Variants in ITPA observed in about 807,000 individuals in gnomAD.
ITPA encodes the protein inosine triphosphatase.
ITPA carries 29 observed loss-of-function variants against 29.6 expected under a neutral mutation model. That is an observed-to-expected ratio of 0.98 (90% CI 0.73 to 1.34). The LOEUF (loss-of-function observed/expected upper bound fraction) is 1.34. Ranked by LOEUF, ITPA falls within the 40% of genes most tolerant of loss-of-function variation. The pLI is 0.00. For missense variants in ITPA, 241 were observed against 251.5 expected (o/e 0.96, Z 0.28); for synonymous variants, 103 against 99.3 (o/e 1.04, Z -0.22).
rs767364445 is a variant in ITPA at position 3,209,664 on chromosome 20, G to A, written c.66+47G>A. 2.6e-6 allele frequency: 4 copies of A among 1,520,460 alleles called. No individual in the cohort carries two copies. The African/African-American group carries it at 5.5e-5, about 21-fold the overall frequency. The allele number at this position is 1,520,460 out of a possible 1,614,324, so 94.2% of individuals were successfully genotyped here. ...CTAACTGGGAGGCGGCTGGGAATAG[G>A]GCGGAGAAGGGGCTTCCGGGAGGAG... On this transcript the variant is annotated intron_variant, in intron 1 of 7. Transcript: ENST00000380113. The surrounding 1 kb of genome is among the most constrained non-coding windows in gnomAD (Gnocchi z 4.6).
chr20:3,206,279 T>G (rs2067069617), upstream of ITPA, among the ~76,000 whole-genome samples: 1 of 148,732 alleles, frequency 6.7e-6, no homozygotes, highest in Admixed American at 6.8e-5. Flanking sequence ...TCCCAGCTAC[T>G]TGGGAGGCTG....
Position 3,209,625 on chromosome 20 carries a change from G to C in ITPA, c.66+8G>C. Reference sequence around the variant, plus strand: ...GCCAAGAAGCTGGAGGAGGTGCCGGGAGGGTGTTGGGGGCTAACTGGGAGG... The same window carrying C: ...GCCAAGAAGCTGGAGGAGGTGCCGGCAGGGTGTTGGGGGCTAACTGGGAGG... On this transcript the variant is annotated splice_region_variant and intron_variant, in intron 1 of 7. Transcript: ENST00000380113. The surrounding 1 kb of genome is among the most constrained non-coding windows in gnomAD (Gnocchi z 4.6). 6.2e-7 allele frequency: 1 copy of C among 1,613,774 alleles called. No individual in the cohort carries two copies. The highest frequency in any genetic ancestry group is 8.5e-7 in the Non-Finnish European group (1 of 1,179,770).
At chr20:3,223,942 G>A (rs921340639), downstream of ITPA, 23 of 205,726 alleles carry the variant, frequency 1.1e-4, no homozygotes, top group South Asian at 8.5e-4. Flanking sequence ...ATGGGGACAC[G>A]GGCAGCACCG....
At chr20:3,213,249 T>G in intron 2 of ITPA, 23 bp downstream of exon 2, 1 of 1,614,198 alleles carries the variant, frequency 6.2e-7, no homozygotes, top group Non-Finnish European at 8.5e-7. Flanking sequence ...TTTGTTTTAT[T>G]TTTAAAAGAT....
Position 3,223,530 on chromosome 20 carries a change from C to G in ITPA, c.*68C>G, listed in dbSNP as rs75609817. 3.3e-6 allele frequency: 4 copies of G among 1,194,716 alleles called. No individual in the cohort carries two copies. Among genetic ancestry groups the G allele is most frequent in the Non-Finnish European group, 4.9e-6 (4 of 821,948 alleles). 74.0% of individuals were successfully genotyped at this position (1,194,716 alleles called of 1,614,324 possible). A position where few individuals can be genotyped will look rare whatever the true frequency, so the allele number is the denominator to read the frequency against. On this transcript the variant is annotated 3_prime_UTR_variant, in exon 8 of 8. Transcript: ENST00000380113. ...AGGGCTAGCCCAAAACCTCCCGCAT[C>G]GGGCAGGCACCCCCTGAAGTACTTC...
At chr20:3,211,178 T>G (rs2067163516) in intron 1 of ITPA, among the ~76,000 whole-genome samples, 1 of 150,816 alleles carries the variant, frequency 6.6e-6, no homozygotes, top group South Asian at 2.1e-4. Context: ...TTTTTTTTTT[T>G]TCTTTGAGAC....
intron 5 of ITPA, among the ~76,000 whole-genome samples, chr20:3,218,140 G>T (rs1022049722): frequency 1.2e-4 from 18 of 151,148 alleles, no homozygotes; most frequent in Non-Finnish European, 2.1e-4. Flanking sequence ...GGATGGTCTC[G>T]ATCTCCTGAC....
chr20:3,209,557 G>T lies in ITPA; in HGVS notation c.6G>T (p.Ala2=), dbSNP rs774967345. The T allele has an allele frequency of 1.5e-5, 24 of 1,613,982 alleles. No homozygotes were observed. Among genetic ancestry groups the T allele is most frequent in the Non-Finnish European group, 3.4e-6 (4 of 1,180,008 alleles). The part of the protein sequence containing the change: M[A]ASLVGKKIVF... ...CTGGGTAACCGGGGATCACCATGGC[G>T]GCCTCATTGGTGGGGAAGAAGATCG... The change falls in exon 1 of 8, where the codon GCG becomes GCT. Residue 2 remains alanine, a synonymous_variant. Coordinates refer to ENST00000380113, the MANE Select transcript of ITPA (RefSeq NM_033453.4). The surrounding 1 kb of genome is among the most constrained non-coding windows in gnomAD (Gnocchi z 4.6).
intron 7 of ITPA, 109 bp from the exon 8 acceptor site, chr20:3,223,257 C>A: frequency 1.2e-6 from 1 of 825,550 alleles, no homozygotes. Flanking sequence ...CTCCCCTTTC[C>A]TTGGGGTCTG....
chr20:3,215,155 C>A, intron 4 of ITPA, 126 bp from the exon 5 acceptor site: 1 of 920,902 alleles, frequency 1.1e-6, no homozygotes. Flanking sequence ...GCGGGACCCA[C>A]CTCGCCTGGC....
At chr20:3,206,068 A>AAG (rs1427968339), upstream of ITPA, among the ~76,000 whole-genome samples, 1 of 147,230 alleles carries the variant, frequency 6.8e-6, no homozygotes, top group African/African-American at 2.6e-5. Context: ...AAAAAAAAAA[A>AAG]AAAGAAAGAA....
intron 1 of ITPA, among the ~76,000 whole-genome samples, chr20:3,211,294 T>C (rs1002286870): frequency 1.3e-4 from 19 of 147,206 alleles, no homozygotes; most frequent in African/African-American, 4.8e-4. Context: ...GCCTCCCGAG[T>C]ATCTGGGATT....
upstream of ITPA, among the ~76,000 whole-genome samples, chr20:3,204,170 G>A (rs565119649): frequency 2.0e-5 from 3 of 152,328 alleles, no homozygotes; most frequent in Admixed American, 1.3e-4. Context: ...TCTGGAGCCA[G>A]GCTGGGAGGA....
chr20:3,222,975 C>G (rs1230323615), intron 7 of ITPA, among the ~76,000 whole-genome samples: 2 of 152,222 alleles, frequency 1.3e-5, no homozygotes, highest in Non-Finnish European at 2.9e-5. Context: ...CCCTGGCCAG[C>G]TGTTCAAGTG....
Position 3,223,520 on chromosome 20 carries a change from C to A in ITPA, c.*58C>A. On this transcript the variant is annotated 3_prime_UTR_variant, in exon 8 of 8. Coordinates refer to ENST00000380113, the MANE Select transcript of ITPA (RefSeq NM_033453.4). Reference sequence around the variant, plus strand: ...GGATCTGGGGAGGGCTAGCCCAAAACCTCCCGCATCGGGCAGGCACCCCCT... The same window carrying A: ...GGATCTGGGGAGGGCTAGCCCAAAAACTCCCGCATCGGGCAGGCACCCCCT... 7.4e-7 allele frequency: 1 copy of A among 1,348,162 alleles called. No individual in the cohort carries two copies. Among genetic ancestry groups the A allele is most frequent in the Non-Finnish European group, 1.0e-6 (1 of 956,870 alleles). 83.5% of individuals were successfully genotyped at this position (1,348,162 alleles called of 1,614,324 possible). A position where few individuals can be genotyped will look rare whatever the true frequency, so the allele number is the denominator to read the frequency against.
chr20:3,218,984 G>T, intron 6 of ITPA: 1 of 306,476 alleles, frequency 3.3e-6, no homozygotes, highest in Non-Finnish European at 6.3e-6. Context: ...ACCCAGAAGT[G>T]CAAACTGAAG....
At chr20:3,213,529 C>A in intron 3 of ITPA, 146 bp downstream of exon 3, 1 of 906,912 alleles carries the variant, frequency 1.1e-6, no homozygotes, top group Non-Finnish European at 1.7e-6. Flanking sequence ...TTAATATTGG[C>A]TTTGGAACAC....
At chr20:3,206,842 A>AG (rs1400924519), upstream of ITPA, among the ~76,000 whole-genome samples, 4 of 150,992 alleles carry the variant, frequency 2.6e-5, no homozygotes, top group African/African-American at 9.7e-5. Flanking sequence ...AAAAAAAAAA[A>AG]AAGAAGAAGA....
rs759175840 is a variant in ITPA, at chr20:3,218,660, G to A, written c.411+28G>A. The A allele has an allele frequency of 1.9e-6, 3 of 1,554,432 alleles. 1 individual carries two copies. The highest frequency in any genetic ancestry group is 3.4e-5 in the Admixed American group (2 of 59,540). ...GCGTACCCACCTTGATGCAGTTCCC[G>A]CCGCGCGCCGCCAGGGGGTGCCGCG... On this transcript the variant is annotated intron_variant, in intron 6 of 7. Transcript: ENST00000380113.
Sources: allele counts gnomAD v4.1 joint callset (sites outside exome capture counted in the v4.1 genomes callset), GRCh38; gene constraint gnomAD v4.1.1; non-coding constraint Gnocchi (gnomAD v3.1); transcripts MANE v1.5; gene names NCBI Gene and HGNC (gene_info 2026-07-23, HGNC 2026-07-21).